The following THNSL1 variants were observed in gnomAD, a reference collection of about 807,000 sequenced individuals.
THNSL1 encodes the protein threonine synthase-like 1.
Under a neutral mutation model 50.4 loss-of-function variants are expected in THNSL1, and 48 were observed. The ratio of observed to expected loss-of-function variants is 0.95; its 90% confidence interval spans 0.76 to 1.21. THNSL1 has a LOEUF of 1.21. Ranked by LOEUF, THNSL1 falls within the 50% of genes most tolerant of loss-of-function variation. The probability of loss-of-function intolerance (pLI) is 0.00; values close to 1 mark genes in which losing one functional copy is unlikely to be tolerated. For missense variants in THNSL1, 896 were observed against 871.7 expected (o/e 1.03, Z -0.35); for synonymous variants, 309 against 306.1 (o/e 1.01, Z -0.10).
At chr10:24,983,584 C>A in the THNSL1 span, 1 of 152,098 alleles carries the variant, frequency 6.6e-6, no homozygotes, top group Non-Finnish European at 1.5e-5. Flanking sequence ...TAAAGATACT[C>A]ATATGGACAA....
Position 25,023,838 on chromosome 10 carries a change from T to C in THNSL1, c.615T>C (p.Ser205=), listed in dbSNP as rs755720004. The C allele has an allele frequency of 1.9e-6, 3 of 1,614,180 alleles. No individual in the cohort carries two copies. Among genetic ancestry groups the C allele is most frequent in the Admixed American group, 3.3e-5 (2 of 60,030 alleles). Residue 205 remains serine (S), a synonymous_variant, in exon 3 of 3, where the codon AGT becomes AGC. Transcript: ENST00000376356. ...KWYDARVFCE[S]GASPEEVADK... ...ATGATGCTCGTGTTTTCTGTGAAAGTGGGGCTTCCCCAGAGGAGGTAGCTG... is the reference window on the plus strand; with the variant it reads ...ATGATGCTCGTGTTTTCTGTGAAAGCGGGGCTTCCCCAGAGGAGGTAGCTG...
At chr10:24,994,713 G>A in the THNSL1 span, among the ~76,000 whole-genome samples, 1 of 152,046 alleles carries the variant, frequency 6.6e-6, no homozygotes, top group Non-Finnish European at 1.5e-5. Flanking sequence ...TTTTTTGTAA[G>A]CTTTTTTATT....
chr10:24,965,939 G>A, the THNSL1 span, among the ~76,000 whole-genome samples: 2 of 152,190 alleles, frequency 1.3e-5, no homozygotes, highest in African/African-American at 2.4e-5. Flanking sequence ...TAACTTGGGA[G>A]GTTGACCTGA....
intron 1 of THNSL1, among the ~76,000 whole-genome samples, chr10:25,018,995 C>T (rs1341143130): frequency 1.3e-5 from 2 of 152,112 alleles, no homozygotes; most frequent in Non-Finnish European, 2.9e-5. Context: ...TCCTTCCACC[C>T]TCACCTCTGT....
the THNSL1 span, among the ~76,000 whole-genome samples, chr10:25,006,669 T>TTG: frequency 1.3e-5 from 2 of 152,212 alleles, no homozygotes; most frequent in Non-Finnish European, 2.9e-5. Flanking sequence ...TAGAACAAGG[T>TTG]TGTGTATAAA....
At chr10:25,013,547 A>T (rs1050495528), upstream of THNSL1, among the ~76,000 whole-genome samples, 5 of 152,236 alleles carry the variant, frequency 3.3e-5, no homozygotes, top group African/African-American at 1.2e-4. Context: ...TATGGAAAGG[A>T]GATAATGGTT....
the THNSL1 span, among the ~76,000 whole-genome samples, chr10:24,964,212 C>T: frequency 6.6e-6 from 1 of 152,246 alleles, no homozygotes; most frequent in African/African-American, 2.4e-5. Flanking sequence ...CCAAACTCAT[C>T]CCCTGCTATT....
chr10:25,010,855 T>C, the THNSL1 span, among the ~76,000 whole-genome samples: 2 of 151,532 alleles, frequency 1.3e-5, no homozygotes, highest in Non-Finnish European at 2.9e-5. Context: ...TGTTGGACAT[T>C]TGGGTTGGTT....
At chr10:24,990,536 C>T in the THNSL1 span, 47 of 1,614,046 alleles carry the variant, frequency 2.9e-5, no homozygotes, top group African/African-American at 5.3e-5. Context: ...CTGGATATAA[C>T]GATCATAGTC....
the THNSL1 span, among the ~76,000 whole-genome samples, chr10:24,996,456 G>GTATATATA: frequency 2.0e-5 from 3 of 149,710 alleles, no homozygotes; most frequent in African/African-American, 7.4e-5. Flanking sequence ...GTGTGTGTGT[G>GTATATATA]TATATATATA....
the THNSL1 span, among the ~76,000 whole-genome samples, chr10:25,008,062 G>C: frequency 5.5e-4 from 83 of 150,842 alleles, no homozygotes; most frequent in Admixed American, 1.1e-3. Flanking sequence ...CAAAATGTAA[G>C]AGATGAAGAG....
At position 25,024,255 on chromosome 10, in the gene THNSL1, T is replaced by A; in HGVS notation, c.1032T>A (p.His344Gln). 6.2e-7 allele frequency: 1 copy of A among 1,614,222 alleles called. No homozygotes were observed. The highest frequency in any genetic ancestry group is 8.5e-7 in the Non-Finnish European group (1 of 1,180,028). The change falls in exon 3 of 3, where the codon CAT (histidine) becomes CAA (glutamine). Residue 344 changes from histidine (H) to glutamine (Q), a missense_variant. By Grantham distance (24) the His-to-Gln change is conservative (BLOSUM62 0). Coordinates refer to ENST00000376356, the MANE Select transcript of THNSL1 (RefSeq NM_024838.5). ...ACCAGTTCATCCTGGAGTTGTTTCA[T>A]GGACCAACAGGATCATTTAAAGATT... is the stretch of plus-strand genomic sequence containing the variant. ...SGNQFILELF[H>Q]GPTGSFKDLS...
chr10:24,978,459 T>C, the THNSL1 span, among the ~76,000 whole-genome samples: 59 of 151,558 alleles, frequency 3.9e-4, no homozygotes, highest in African/African-American at 1.3e-3. Context: ...CTCCTCTCTC[T>C]CTCTTTCCCT....
the THNSL1 span, among the ~76,000 whole-genome samples, chr10:24,999,881 G>A: frequency 6.6e-6 from 1 of 152,096 alleles, no homozygotes; most frequent in Non-Finnish European, 1.5e-5. Context: ...AGTCTGGCTA[G>A]GGGTCTATTA....
chr10:25,001,082 T>C, the THNSL1 span, among the ~76,000 whole-genome samples: 36 of 152,184 alleles, frequency 2.4e-4, no homozygotes, highest in African/African-American at 8.4e-4. Context: ...GTTCCCTTTA[T>C]ATAATTGTAT....
the THNSL1 span, among the ~76,000 whole-genome samples, chr10:24,976,558 T>C: frequency 6.6e-6 from 1 of 152,100 alleles, no homozygotes; most frequent in East Asian, 1.9e-4. Flanking sequence ...GGCATGGTCT[T>C]GGCTCACTGC....
the THNSL1 span, among the ~76,000 whole-genome samples, chr10:24,972,693 T>A: frequency 1.3e-5 from 2 of 152,226 alleles, no homozygotes; most frequent in Admixed American, 1.3e-4. Flanking sequence ...AGTTGGTAGC[T>A]TGGAATAAAA....
At chr10:24,956,171 C>T in the THNSL1 span, among the ~76,000 whole-genome samples, 1 of 151,510 alleles carries the variant, frequency 6.6e-6, no homozygotes, top group Admixed American at 6.6e-5. Flanking sequence ...TTTGGGGGTA[C>T]ACACGCAGGT....
At chr10:24,976,213 G>A in the THNSL1 span, among the ~76,000 whole-genome samples, 1 of 152,184 alleles carries the variant, frequency 6.6e-6, no homozygotes, top group Admixed American at 6.5e-5. Flanking sequence ...ATGGAGAGAC[G>A]TAACTGCATA....
Sources: gnomAD v4.1 joint callset for allele counts (sites outside exome capture counted in the v4.1 genomes callset) on GRCh38, gnomAD v4.1.1 for gene constraint, MANE v1.5 for transcripts, NCBI Gene and HGNC (gene_info 2026-07-23, HGNC 2026-07-21) for gene names.